The following CSMD1 variants were observed in gnomAD, a reference collection of about 807,000 sequenced individuals.
The protein encoded by CSMD1 is CUB and sushi domain-containing protein 1.
A neutral mutation model predicts 417.5 loss-of-function variants in CSMD1; 213 were observed. The observed-to-expected ratio is 0.51, with a 90% CI of 0.46 to 0.57. The LOEUF is 0.57. CSMD1 is among the 20% of genes least tolerant of loss of function. CSMD1 has a pLI of 0.00. For synonymous variants in CSMD1, 2,862 were observed against 1,736.8 expected (o/e 1.65, Z -16.11); for missense variants, 6,923 against 4,529.7 (o/e 1.53, Z -15.17).
intron 3 of CSMD1, among the ~76,000 whole-genome samples, chr8:4,373,377 A>C (rs1802516990): frequency 6.6e-6 from 1 of 152,216 alleles, no homozygotes; most frequent in Admixed American, 6.5e-5. Flanking sequence ...TATTAACTGC[A>C]ACAAATGTGC....
intron 2 of CSMD1, among the ~76,000 whole-genome samples, chr8:4,515,763 T>G (rs960279222): frequency 7.9e-5 from 12 of 152,058 alleles, no homozygotes; most frequent in Admixed American, 7.2e-4. Context: ...GCTCTGCAAC[T>G]CTCTGTTTTA....
chr8:4,278,761 A>T (rs979474549), intron 3 of CSMD1, among the ~76,000 whole-genome samples: 4 of 152,198 alleles, frequency 2.6e-5, no homozygotes, highest in African/African-American at 9.7e-5. Context: ...TAAGATCTGA[A>T]CAAAGAGCCA....
chr8:3,162,732 G>C (rs1350775035), intron 37 of CSMD1, among the ~76,000 whole-genome samples: 1 of 150,314 alleles, frequency 6.7e-6, no homozygotes, highest in Admixed American at 6.6e-5. Flanking sequence ...AAAAAAAAGA[G>C]AAAAAATATT....
chr8:2,983,317 G>C (rs577161428), intron 54 of CSMD1, among the ~76,000 whole-genome samples: 2 of 152,102 alleles, frequency 1.3e-5, no homozygotes, highest in African/African-American at 4.8e-5. Flanking sequence ...CTCCCGAGTA[G>C]CTGGTACTAC....
chr8:3,167,121 C>G (rs1297594096), intron 37 of CSMD1, among the ~76,000 whole-genome samples: 2 of 152,000 alleles, frequency 1.3e-5, no homozygotes, highest in Non-Finnish European at 2.9e-5. Flanking sequence ...CCCGTCTCTA[C>G]TAAGAATACA....
intron 3 of CSMD1, among the ~76,000 whole-genome samples, chr8:4,076,462 A>G (rs538400804): frequency 6.6e-6 from 1 of 152,340 alleles, no homozygotes; most frequent in East Asian, 1.9e-4. Context: ...TAACTGTAAT[A>G]GTGACAGCAG....
At chr8:2,946,456 G>A (rs1802242750) in intron 68 of CSMD1, among the ~76,000 whole-genome samples, 1 of 152,168 alleles carries the variant, frequency 6.6e-6, no homozygotes, top group African/African-American at 2.4e-5. Flanking sequence ...GGATTTGCCT[G>A]TTATGGACAT....
chr8:2,973,212 C>T lies in CSMD1; in HGVS notation c.8828G>A (p.Arg2943His), dbSNP rs374773802. Residue 2943 changes from arginine to histidine, a missense_variant, in exon 57 of 70, where the codon CGC (arginine) becomes CAC (histidine). Arg to His is a conservative substitution (Grantham distance 29, BLOSUM62 0). Transcript: ENST00000635120. ...CTGGTGCCCCATTTCACAGGAGAAG[C>T]GGAGAAGACTCTTTGTCTTAAAGTC... The part of the protein sequence containing the change: ...GDDFKTKSLL[R>H]FSCEMGHQLR... 118 of 1,613,866 alleles carry T rather than the reference C, an allele frequency of 7.3e-5. 2 individuals are homozygous for T. The African/African-American group carries it at 1.1e-3, about 15-fold the overall frequency.
At chr8:3,176,435 A>G (rs2129045819) in intron 37 of CSMD1, among the ~76,000 whole-genome samples, 1 of 152,288 alleles carries the variant, frequency 6.6e-6, no homozygotes, top group Middle Eastern at 3.4e-3. Context: ...GCATTCAAAA[A>G]AAACTTCTCC....
intron 23 of CSMD1, among the ~76,000 whole-genome samples, chr8:3,316,689 G>A (rs372639853): frequency 6.6e-6 from 1 of 152,096 alleles, no homozygotes; most frequent in East Asian, 1.9e-4. Context: ...AACGTGTGGC[G>A]GTTGTGATGG....
intron 3 of CSMD1, among the ~76,000 whole-genome samples, chr8:4,243,156 G>C (rs1056488066): frequency 6.6e-6 from 1 of 152,072 alleles, no homozygotes; most frequent in Non-Finnish European, 1.5e-5. Flanking sequence ...GGAGAGGAGG[G>C]AGAGTGCTTG....
intron 2 of CSMD1, among the ~76,000 whole-genome samples, chr8:4,556,370 T>G (rs1163584864): frequency 1.3e-5 from 2 of 152,158 alleles, no homozygotes; most frequent in East Asian, 1.9e-4. Flanking sequence ...CAAAAATAAC[T>G]GTATAACAAT....
At chr8:4,720,063 G>T (rs1280040553) in intron 1 of CSMD1, among the ~76,000 whole-genome samples, 2 of 151,726 alleles carry the variant, frequency 1.3e-5, no homozygotes, top group Admixed American at 1.3e-4. Flanking sequence ...CTGTGGTGAG[G>T]CTTTTTCTAA....
chr8:3,293,406 T>C (rs1356046335), intron 25 of CSMD1, among the ~76,000 whole-genome samples: 6 of 152,210 alleles, frequency 3.9e-5, no homozygotes, highest in Admixed American at 6.5e-5. Flanking sequence ...TCCTGGTTAA[T>C]ATCCTGCAGA....
At chr8:4,901,070 G>C (rs1804839517) in intron 1 of CSMD1, among the ~76,000 whole-genome samples, 1 of 152,194 alleles carries the variant, frequency 6.6e-6, no homozygotes, top group Non-Finnish European at 1.5e-5. Context: ...ACACAGAGTT[G>C]AAGCAATTCA....
At chr8:4,724,542 G>C (rs10087888) in intron 1 of CSMD1, among the ~76,000 whole-genome samples, 73,977 of 150,334 alleles carry the variant, frequency 0.49, 20,696 homozygotes, top group East Asian at 0.76. Flanking sequence ...GTGTGTGTGT[G>C]TGTGTGTGTG....
intron 23 of CSMD1, among the ~76,000 whole-genome samples, chr8:3,340,111 G>A (rs1563288705): frequency 6.6e-6 from 1 of 152,118 alleles, no homozygotes; most frequent in Non-Finnish European, 1.5e-5. Context: ...TGCCAAATGA[G>A]GATCACCGAA....
intron 20 of CSMD1, among the ~76,000 whole-genome samples, chr8:3,363,908 T>G (rs1809378476): frequency 6.6e-6 from 1 of 152,144 alleles, no homozygotes; most frequent in African/African-American, 2.4e-5. Flanking sequence ...TGCAGGTTTA[T>G]CTAAGCCAAC....
At chr8:4,132,071 G>C (rs1022664160) in intron 3 of CSMD1, among the ~76,000 whole-genome samples, 28 of 151,990 alleles carry the variant, frequency 1.8e-4, no homozygotes, top group African/African-American at 6.8e-4. Context: ...AAGCATTATA[G>C]ATTCTTCAAA....
Sources: allele counts gnomAD v4.1 joint callset (sites outside exome capture counted in the v4.1 genomes callset), GRCh38; gene constraint gnomAD v4.1.1; transcripts MANE v1.5; gene names NCBI Gene and HGNC (gene_info 2026-07-23, HGNC 2026-07-21).